Variants in APP observed in about 807,000 individuals in gnomAD.
The protein encoded by APP is amyloid-beta precursor protein.
APP carries 31 observed loss-of-function variants against 101.4 expected under a neutral mutation model. That is an observed-to-expected ratio of 0.31 (90% CI 0.23 to 0.41). APP has a LOEUF of 0.41. Ranked by LOEUF, APP falls within the 10% of genes least tolerant of loss-of-function variation. The pLI, the probability that APP is intolerant of heterozygous loss-of-function variation, is 1.00. For missense variants in APP, 839 were observed against 1,003.7 expected, an observed-to-expected ratio of 0.84 and a Z score of 2.22; for synonymous variants, 366 against 364.4, an observed-to-expected ratio of 1.00 and a Z score of -0.05.
intron 9 of APP, among the ~76,000 whole-genome samples, chr21:25,976,377 T>C (rs1204695957): frequency 6.6e-6 from 1 of 152,150 alleles, no homozygotes; most frequent in East Asian, 1.9e-4. Context: ...TCTTCCAATA[T>C]TAAACTGAAC....
rs1320185283 is a variant in APP, at chr21:25,968,939, A to T, written c.1458+6131T>A. On this transcript the variant is annotated intron_variant, in intron 11 of 17. Transcript: ENST00000346798. ...TCTGCATTTTCCAGGCACGGTGGTT[A>T]AGTATGAGGGAGATCTCAGAAATAT... 2.6e-5 allele frequency among the ~76,000 whole-genome samples: 4 copies of T among 152,170 alleles called. No homozygotes were observed. In the East Asian group the frequency reaches 7.7e-4, roughly 29 times the overall value.
At chr21:25,913,750 A>AT (rs1265076196) in intron 13 of APP, among the ~76,000 whole-genome samples, 1 of 152,184 alleles carries the variant, frequency 6.6e-6, no homozygotes, top group African/African-American at 2.4e-5. Context: ...CATACACAGT[A>AT]CTTATCTTCT....
chr21:25,986,543 TA>T (rs2042643501), intron 8 of APP, among the ~76,000 whole-genome samples: 2 of 151,754 alleles, frequency 1.3e-5, no homozygotes. Flanking sequence ...TAAAATAAAA[TA>T]AAAAAATTAG....
intron 1 of APP, among the ~76,000 whole-genome samples, chr21:26,147,214 C>A (rs982531606): frequency 6.6e-6 from 1 of 152,154 alleles, no homozygotes; most frequent in Non-Finnish European, 1.5e-5. Flanking sequence ...CCCCTCCCTG[C>A]AGAACTCCTT....
intron 17 of APP, among the ~76,000 whole-genome samples, chr21:25,889,754 G>A (rs536076247): frequency 6.6e-6 from 1 of 152,122 alleles, no homozygotes; most frequent in East Asian, 1.9e-4. Flanking sequence ...GAGTGAGGTA[G>A]GAGAATCGCT....
At chr21:26,000,212 T>C in intron 6 of APP, 30 bp from the exon 7 acceptor site, 1 of 1,613,222 alleles carries the variant, frequency 6.2e-7, no homozygotes, top group Non-Finnish European at 8.5e-7. Flanking sequence ...GGAACCACAT[T>C]TAGCATGAAA....
intron 11 of APP, among the ~76,000 whole-genome samples, chr21:25,965,283 G>A (rs1233337615): frequency 6.6e-6 from 1 of 152,154 alleles, no homozygotes; most frequent in African/African-American, 2.4e-5. Context: ...CGACTAACTC[G>A]GACCCTTGCA....
chr21:26,083,020 T>C (rs2061627574), intron 3 of APP, among the ~76,000 whole-genome samples: 1 of 152,186 alleles, frequency 6.6e-6, no homozygotes, highest in African/African-American at 2.4e-5. Context: ...ACAGGCGCTT[T>C]TACTCTATCA....
intron 14 of APP, among the ~76,000 whole-genome samples, chr21:25,909,127 G>A (rs144113758): frequency 6.6e-6 from 1 of 152,010 alleles, no homozygotes; most frequent in Non-Finnish European, 1.5e-5. Context: ...GCCGGGCGTG[G>A]TGGCGGGTAC....
At chr21:26,032,367 A>G (rs1031555123) in intron 5 of APP, among the ~76,000 whole-genome samples, 1 of 151,828 alleles carries the variant, frequency 6.6e-6, no homozygotes, top group African/African-American at 2.4e-5. Flanking sequence ...GACTACACTT[A>G]CATATACTCC....
At chr21:26,102,290 C>T (rs368715738) in intron 2 of APP, among the ~76,000 whole-genome samples, 24 of 151,970 alleles carry the variant, frequency 1.6e-4, no homozygotes, top group Admixed American at 1.2e-3. Flanking sequence ...AGGGTTTCAC[C>T]GTGTTAGCCG....
chr21:26,001,763 T>C lies in APP; in HGVS notation c.866-1581A>G, dbSNP rs144853978. On this transcript the variant is annotated intron_variant, in intron 6 of 17. Coordinates refer to ENST00000346798, the MANE Select transcript of APP (RefSeq NM_000484.4). ...ATACACCTGCCTCAGCCTCTCTAAG[T>C]GCTGGGATTACAGGCGTGAGCCACT... Among the ~76,000 whole-genome samples the C allele has an allele frequency of 9.5e-3, 1,196 of 126,354 alleles. 19 individuals carry two copies. Among genetic ancestry groups the C allele is most frequent in the African/African-American group, 0.035 (1,122 of 31,842 alleles). The allele number at this position is 126,354 out of a possible 152,430, so 82.9% of individuals were successfully genotyped here.
At chr21:26,142,550 C>G (rs774207159) in intron 1 of APP, among the ~76,000 whole-genome samples, 16 of 152,138 alleles carry the variant, frequency 1.1e-4, no homozygotes, top group Non-Finnish European at 2.1e-4. Flanking sequence ...CGGAGGCTCG[C>G]CTGAGGCCAG....
intron 6 of APP, among the ~76,000 whole-genome samples, chr21:26,005,571 G>T (rs2043496269): frequency 6.6e-6 from 1 of 152,150 alleles, no homozygotes. Context: ...TGGGATATTA[G>T]TAAGAGATCT....
At chr21:26,065,977 C>T (rs181976842) in intron 3 of APP, among the ~76,000 whole-genome samples, 2 of 152,314 alleles carry the variant, frequency 1.3e-5, no homozygotes, top group South Asian at 2.1e-4. Context: ...TTCTCCCTAG[C>T]TCCACAGCCT....
At chr21:26,166,407 C>T (rs1197138052) in intron 1 of APP, among the ~76,000 whole-genome samples, 1 of 152,072 alleles carries the variant, frequency 6.6e-6, no homozygotes, top group Non-Finnish European at 1.5e-5. Flanking sequence ...TCCCATCCAT[C>T]CCCACTCCAT....
chr21:25,905,163 A>G, intron 14 of APP, 86 bp from the exon 15 acceptor site: 1 of 1,114,550 alleles, frequency 9.0e-7, no homozygotes. Flanking sequence ...TCGAGCAGGG[A>G]AAAAAGCATA....
intron 6 of APP, among the ~76,000 whole-genome samples, chr21:26,005,687 G>A (rs1182894839): frequency 6.6e-6 from 1 of 152,146 alleles, no homozygotes; most frequent in African/African-American, 2.4e-5. Context: ...AATATCTCAA[G>A]AGAGAGTTCA....
intron 11 of APP, among the ~76,000 whole-genome samples, chr21:25,965,430 C>T (rs1444990611): frequency 6.6e-6 from 1 of 152,194 alleles, no homozygotes; most frequent in African/African-American, 2.4e-5. Flanking sequence ...TTCATACATC[C>T]TCTAACTGGT....
Sources: gnomAD v4.1 joint callset for allele counts (sites outside exome capture counted in the v4.1 genomes callset) on GRCh38, gnomAD v4.1.1 for gene constraint, MANE v1.5 for transcripts, NCBI Gene and HGNC (gene_info 2026-07-23, HGNC 2026-07-21) for gene names.